Variants in ADAMTS3 observed in about 807,000 individuals in gnomAD.
ADAMTS3 encodes the protein ADAM metallopeptidase with thrombospondin type 1 motif 3.
Under a neutral mutation model 129.0 loss-of-function variants are expected in ADAMTS3, and 73 were observed. That is an observed-to-expected ratio of 0.57 (90% CI 0.47 to 0.69). The LOEUF is 0.69. ADAMTS3 is among the 30% of genes least tolerant of loss of function. The pLI is 0.00. For synonymous variants in ADAMTS3, 477 were observed against 510.8 expected (o/e 0.93, Z 0.89); for missense variants, 1,457 against 1,514.5 (o/e 0.96, Z 0.63).
rs548537353 is a variant in ADAMTS3, at chr4:72,434,485, A to G, written c.505-19514T>C. ...AACACCAATTCTGGAGCTCCACTGT[A>G]GACTTACTAAATCTAAACCTCTGAG... On this transcript the variant is annotated intron_variant, in intron 3 of 21. Transcript: ENST00000286657. 7.2e-5 allele frequency among the ~76,000 whole-genome samples: 11 copies of G among 151,910 alleles called. No individual in the cohort carries two copies. The South Asian group carries it at 2.3e-3, about 32-fold the overall frequency.
intron 3 of ADAMTS3, among the ~76,000 whole-genome samples, chr4:72,507,345 G>A (rs1720190123): frequency 6.6e-6 from 1 of 151,814 alleles, no homozygotes; most frequent in Non-Finnish European, 1.5e-5. Context: ...ACTGTGCCTT[G>A]GTAACTCAAT....
At chr4:72,428,842 G>C (rs1399258263) in intron 3 of ADAMTS3, among the ~76,000 whole-genome samples, 2 of 151,888 alleles carry the variant, frequency 1.3e-5, no homozygotes, top group Non-Finnish European at 2.9e-5. Flanking sequence ...GAGCTCCCAA[G>C]ACATGAATTT....
intron 4 of ADAMTS3, among the ~76,000 whole-genome samples, chr4:72,404,260 C>T (rs1721996713): frequency 6.6e-6 from 1 of 151,998 alleles, no homozygotes; most frequent in Admixed American, 6.6e-5. Flanking sequence ...TACTATGGGA[C>T]TTCAAAATCT....
chr4:72,437,923 A>AT (rs1051394879), intron 3 of ADAMTS3, among the ~76,000 whole-genome samples: 2 of 151,828 alleles, frequency 1.3e-5, no homozygotes, highest in Non-Finnish European at 1.5e-5. Context: ...CCTCGATAAG[A>AT]TTTTTTTCCC....
At chr4:72,540,933 A>G (rs1342984174) in intron 3 of ADAMTS3, among the ~76,000 whole-genome samples, 2 of 152,206 alleles carry the variant, frequency 1.3e-5, no homozygotes, top group Non-Finnish European at 2.9e-5. Flanking sequence ...GCAGAAGGGA[A>G]ATGTCAGGTG....
chr4:72,372,085 G>C (rs971419719), intron 4 of ADAMTS3, among the ~76,000 whole-genome samples: 1 of 152,096 alleles, frequency 6.6e-6, no homozygotes. Flanking sequence ...AAGAATATTA[G>C]AATTTATGTG....
chr4:72,485,643 T>C lies in ADAMTS3; in HGVS notation c.504+62835A>G, dbSNP rs559474185. On this transcript the variant is annotated intron_variant, in intron 3 of 21. Transcript: ENST00000286657. The stretch of plus-strand genomic sequence containing the variant: ...TAATTTTCAAAACACAAACTTTTCT[T>C]TTCTCTCCTGAGTTATATTTGCTGC... Among the ~76,000 whole-genome samples the C allele has an allele frequency of 2.6e-5, 4 of 152,326 alleles. No homozygotes were observed. The South Asian group carries it at 8.3e-4, about 32-fold the overall frequency.
rs78176311 is a variant in ADAMTS3, at chr4:72,449,125, G to A, written c.505-34154C>T. Among the ~76,000 whole-genome samples the A allele has an allele frequency of 0.019, 2,878 of 151,624 alleles. 132 individuals are homozygous for A. The East Asian group carries it at 0.19, about 10-fold the overall frequency. On this transcript the variant is annotated intron_variant, in intron 3 of 21. Transcript: ENST00000286657. ...GCACTTGTCATAAAAGCAGGAGTGT[G>A]TGAAGACTGTGCTCTGGGCCTCCTT... is the stretch of plus-strand genomic sequence containing the variant.
chr4:72,366,789 G>C (rs1425525633), intron 4 of ADAMTS3, among the ~76,000 whole-genome samples: 1 of 148,446 alleles, frequency 6.7e-6, no homozygotes, highest in Non-Finnish European at 1.5e-5. Flanking sequence ...TTTTTTTTCA[G>C]TCAGATGACT....
intron 3 of ADAMTS3, among the ~76,000 whole-genome samples, chr4:72,424,304 G>A (rs970166089): frequency 6.6e-6 from 1 of 151,956 alleles, no homozygotes; most frequent in African/African-American, 2.4e-5. Context: ...ACCTTAACCA[G>A]GAACATTAGA....
chr4:72,285,541 G>A (rs898784187), intron 21 of ADAMTS3, among the ~76,000 whole-genome samples: 2 of 151,680 alleles, frequency 1.3e-5, no homozygotes, highest in African/African-American at 4.9e-5. Flanking sequence ...TTAGAAGTAC[G>A]ACCTGTTTTC....
intron 3 of ADAMTS3, among the ~76,000 whole-genome samples, chr4:72,436,798 T>A (rs940174432): frequency 6.6e-6 from 1 of 151,638 alleles, no homozygotes; most frequent in Non-Finnish European, 1.5e-5. Flanking sequence ...TAGGTGGGAA[T>A]TGAACAATGA....
chr4:72,387,204 C>CT (rs373213012), intron 4 of ADAMTS3, among the ~76,000 whole-genome samples: 2 of 152,270 alleles, frequency 1.3e-5, no homozygotes, highest in South Asian at 4.1e-4. Context: ...AAAATTCATG[C>CT]TTTTTTGTAT....
intron 2 of ADAMTS3, among the ~76,000 whole-genome samples, chr4:72,556,055 C>T (rs1277815748): frequency 1.3e-5 from 2 of 151,626 alleles, no homozygotes; most frequent in Admixed American, 6.6e-5. Flanking sequence ...TGGCAAAACC[C>T]GCAATTACTT....
intron 4 of ADAMTS3, among the ~76,000 whole-genome samples, chr4:72,342,277 G>T (rs1720156878): frequency 1.3e-5 from 2 of 151,062 alleles, no homozygotes; most frequent in Non-Finnish European, 2.9e-5. Flanking sequence ...AATGAGGTTT[G>T]AATTCTTTTA....
chr4:72,514,288 T>G (rs539236971), intron 3 of ADAMTS3, among the ~76,000 whole-genome samples: 1 of 152,300 alleles, frequency 6.6e-6, no homozygotes, highest in Admixed American at 6.5e-5. Flanking sequence ...TCTAGGAGGC[T>G]TCAAGACATG....
At position 72,303,938 on chromosome 4, in the gene ADAMTS3, T is replaced by G. The variant is rs149726955; in HGVS notation, c.2403A>C (p.Leu801Phe). The change falls in exon 17 of 22, where the codon TTA becomes TTC. Residue 801 changes from leucine (L) to phenylalanine (F), a missense_variant. Physicochemically the swap from Leu to Phe is conservative, Grantham distance 22 (BLOSUM62 0). Coordinates refer to ENST00000286657, the MANE Select transcript of ADAMTS3 (RefSeq NM_014243.3). ...DIESLHTDGP[L>F]HDPVIVLIIP... ...ATACCAAAACAATAACAGGATCATGTAAAGGTCCATCGGTGTGAAGACTTT... is the reference window on the plus strand; with the variant it reads ...ATACCAAAACAATAACAGGATCATGGAAAGGTCCATCGGTGTGAAGACTTT... The G allele has an allele frequency of 6.2e-7, 1 of 1,613,594 alleles. No individual in the cohort carries two copies. The highest frequency in any genetic ancestry group is 1.3e-5 in the African/African-American group (1 of 75,010).
intron 3 of ADAMTS3, among the ~76,000 whole-genome samples, chr4:72,473,732 A>G (rs1719146551): frequency 6.6e-6 from 1 of 152,188 alleles, no homozygotes; most frequent in South Asian, 2.1e-4. Flanking sequence ...GCACTTCCCT[A>G]GTACACTGTG....
chr4:72,516,844 A>G (rs1720498302), intron 3 of ADAMTS3, among the ~76,000 whole-genome samples: 1 of 151,904 alleles, frequency 6.6e-6, no homozygotes, highest in African/African-American at 2.4e-5. Flanking sequence ...CTCCTGCCTA[A>G]TTGCCCTGGC....
Sources: gnomAD v4.1 joint callset for allele counts (sites outside exome capture counted in the v4.1 genomes callset) on GRCh38, gnomAD v4.1.1 for gene constraint, MANE v1.5 for transcripts, NCBI Gene and HGNC (gene_info 2026-07-23, HGNC 2026-07-21) for gene names.